The following SUDS3 variants were observed in gnomAD, a reference collection of about 807,000 sequenced individuals.
SUDS3 encodes sin3 histone deacetylase corepressor complex component SDS3.
A neutral mutation model predicts 53.5 loss-of-function variants in SUDS3; 23 were observed. The observed-to-expected ratio is 0.43, with a 90% CI of 0.31 to 0.61. The LOEUF (loss-of-function observed/expected upper bound fraction) is 0.61, where lower values mean the gene tolerates loss of function less well. Ranked by LOEUF, SUDS3 falls within the 20% of genes least tolerant of loss-of-function variation. SUDS3 has a pLI of 0.10. For missense variants in SUDS3, 291 were observed against 405.9 expected (o/e 0.72, Z 2.43); for synonymous variants, 150 against 148.5 (o/e 1.01, Z -0.08).
chr12:118,414,307 A>G (rs764458864), intron 11 of SUDS3, 28 bp from the exon 12 acceptor site: 3 of 1,536,376 alleles, frequency 2.0e-6, no homozygotes, highest in Non-Finnish European at 2.7e-6. Context: ...TTAACTTTTC[A>G]TCTTGTTCCC....
chr12:118,403,306 G>A, intron 9 of SUDS3, 106 bp from the exon 10 acceptor site: 1 of 868,574 alleles, frequency 1.2e-6, no homozygotes. Flanking sequence ...AGGGCTCAGT[G>A]ATGATTATTA....
At chr12:118,401,503 CTG>C (rs1272803326) in intron 7 of SUDS3, among the ~76,000 whole-genome samples, 1 of 152,182 alleles carries the variant, frequency 6.6e-6, no homozygotes, top group African/African-American at 2.4e-5. Context: ...GTTTCCTTTG[CTG>C]TGTTATTGTA....
At chr12:118,412,054 A>T (rs1319752237) in intron 11 of SUDS3, among the ~76,000 whole-genome samples, 1 of 152,264 alleles carries the variant, frequency 6.6e-6, no homozygotes, top group Non-Finnish European at 1.5e-5. Flanking sequence ...TTGTGCTTCA[A>T]AACAAGTTGC....
rs2046113160 is a variant in SUDS3, at chr12:118,386,201, A to G, written c.340+16A>G. On this transcript the variant is annotated intron_variant, in intron 4 of 11. Coordinates refer to ENST00000543473, the MANE Select transcript of SUDS3 (RefSeq NM_022491.3). ...CGGAATGCAGGTAAGGCTCCTTTAA[A>G]TGGCAATGAATCATCTTTCAATGTT... 2 of 1,574,106 alleles carry G rather than the reference A, an allele frequency of 1.3e-6. No homozygotes were observed. The highest frequency in any genetic ancestry group is 1.7e-6 in the Non-Finnish European group (2 of 1,155,294).
At chr12:118,413,574 C>T (rs2046376352) in intron 11 of SUDS3, among the ~76,000 whole-genome samples, 1 of 152,168 alleles carries the variant, frequency 6.6e-6, no homozygotes, top group African/African-American at 2.4e-5. Flanking sequence ...AACCCTGGCT[C>T]AGGGGGTCAG....
chr12:118,389,910 C>G lies in SUDS3; in HGVS notation c.341-17C>G. ...GCACAGCCTAGCAAATCTAATTGCA[C>G]TTTTTATCTCTTGCAGAACTCTTCC... is the stretch of plus-strand genomic sequence containing the variant. On this transcript the variant is annotated splice_polypyrimidine_tract_variant and intron_variant, in intron 4 of 11. Coordinates refer to ENST00000543473, the MANE Select transcript of SUDS3 (RefSeq NM_022491.3). 1 of 1,614,022 alleles carries G rather than the reference C, an allele frequency of 6.2e-7. No individual in the cohort carries two copies. Among genetic ancestry groups the G allele is most frequent in the Non-Finnish European group, 8.5e-7 (1 of 1,179,874 alleles).
At chr12:118,397,967 C>T (rs913722321) in intron 6 of SUDS3, among the ~76,000 whole-genome samples, 5 of 152,112 alleles carry the variant, frequency 3.3e-5, no homozygotes, top group African/African-American at 1.2e-4. Context: ...TCCTTTGGTG[C>T]TCTCTTGGGT....
intron 9 of SUDS3, 115 bp downstream of exon 9, chr12:118,402,119 G>A: frequency 1.6e-6 from 2 of 1,220,436 alleles, no homozygotes; most frequent in Non-Finnish European, 2.4e-6. Context: ...TTCATCATTT[G>A]CCTAAGAGTA....
chr12:118,391,846 A>G (rs2046170976), intron 6 of SUDS3, among the ~76,000 whole-genome samples: 1 of 152,206 alleles, frequency 6.6e-6, no homozygotes, highest in South Asian at 2.1e-4. Flanking sequence ...TTTCAGAAAG[A>G]TTTGATATGA....
chr12:118,406,716 A>AC (rs2046311414), intron 10 of SUDS3, among the ~76,000 whole-genome samples: 1 of 151,866 alleles, frequency 6.6e-6, no homozygotes, highest in Non-Finnish European at 1.5e-5. Context: ...CTAAAAAAAA[A>AC]ACGCACATTT....
At chr12:118,401,514 TA>T (rs2046262339) in intron 7 of SUDS3, among the ~76,000 whole-genome samples, 1 of 152,240 alleles carries the variant, frequency 6.6e-6, no homozygotes, top group Admixed American at 6.5e-5. Flanking sequence ...TGTGTTATTG[TA>T]GATGCCTAAT....
intron 10 of SUDS3, 59 bp downstream of exon 10, chr12:118,403,576 G>C: frequency 7.3e-7 from 1 of 1,364,538 alleles, no homozygotes; most frequent in Non-Finnish European, 1.0e-6. Context: ...TGGAAAGAGG[G>C]CTGGGGCTAT....
In SUDS3 at chr12:118,377,483, G is replaced by A. The variant is rs115206443; in HGVS notation, c.142+650G>A. On this transcript the variant is annotated intron_variant, in intron 1 of 11. Coordinates refer to ENST00000543473, the MANE Select transcript of SUDS3 (RefSeq NM_022491.3). ...GACATGCGCATAAAGTACTTGGCCT[G>A]GTACTGTAAATACTCCGTAAATGTT... is the stretch of plus-strand genomic sequence containing the variant. 8.4e-3 allele frequency among the ~76,000 whole-genome samples: 1,278 copies of A among 152,160 alleles called. 10 individuals carry two copies. Among genetic ancestry groups the A allele is most frequent in the African/African-American group, 0.028 (1,178 of 41,510 alleles).
chr12:118,409,576 T>G (rs188452502), intron 10 of SUDS3, among the ~76,000 whole-genome samples: 1 of 152,356 alleles, frequency 6.6e-6, no homozygotes. Flanking sequence ...GGGAGTGAAG[T>G]GCATCCTTTA....
chr12:118,386,143 A>G lies in SUDS3; in HGVS notation c.298A>G (p.Lys100Glu). The G allele has an allele frequency of 6.2e-7, 1 of 1,601,832 alleles. No homozygotes were observed. The highest frequency in any genetic ancestry group is 8.5e-7 in the Non-Finnish European group (1 of 1,173,874). The change falls in exon 4 of 12, where the codon AAA (lysine) becomes GAA (glutamate). Residue 100 changes from lysine (K) to glutamate (E), a missense_variant. Physicochemically the swap from Lys to Glu is moderately conservative, Grantham distance 56. Around this residue, in one of 4 missense-constraint regions of SUDS3, gnomAD observed 149 missense variants for 146.5 expected, o/e 1.02. Transcript: ENST00000543473. ...GTLQEYQKRM[K>E]KLDQQYKERI... ...ATTACAGGAATATCAGAAGAGAATG[A>G]AAAAACTAGATCAGCAGTACAAAGA...
intron 1 of SUDS3, among the ~76,000 whole-genome samples, chr12:118,379,891 CTA>C (rs1313312179): frequency 6.6e-6 from 1 of 152,178 alleles, no homozygotes; most frequent in Non-Finnish European, 1.5e-5. Context: ...CCCTCGGTAT[CTA>C]TGGGGGACTG....
At chr12:118,406,364 A>G (rs2046308408) in intron 10 of SUDS3, among the ~76,000 whole-genome samples, 1 of 152,224 alleles carries the variant, frequency 6.6e-6, no homozygotes, top group Non-Finnish European at 1.5e-5. Context: ...TTCTGTAGCT[A>G]TAACGTGGAC....
At chr12:118,391,683 C>A (rs1593763035) in intron 6 of SUDS3, among the ~76,000 whole-genome samples, 1 of 152,246 alleles carries the variant, frequency 6.6e-6, no homozygotes, top group Admixed American at 6.5e-5. Flanking sequence ...ACGCAAGTCC[C>A]TCTGTGGTGA....
intron 6 of SUDS3, among the ~76,000 whole-genome samples, chr12:118,396,827 T>C (rs1259879277): frequency 6.6e-6 from 1 of 152,186 alleles, no homozygotes; most frequent in East Asian, 1.9e-4. Context: ...CTATAATGAC[T>C]CTACCACCTA....
Sources: allele counts gnomAD v4.1 joint callset (sites outside exome capture counted in the v4.1 genomes callset), GRCh38; gene constraint gnomAD v4.1.1; regional missense constraint gnomAD v4.1.1; transcripts MANE v1.5; gene names NCBI Gene and HGNC (gene_info 2026-07-23, HGNC 2026-07-21).